SHANK2: variants seen among roughly 807,000 people sequenced by gnomAD.
The protein encoded by SHANK2 is SH3 and multiple ankyrin repeat domains 2.
A neutral mutation model predicts 133.7 loss-of-function variants in SHANK2; 43 were observed. The observed-to-expected ratio is 0.32, with a 90% CI of 0.25 to 0.41. SHANK2 has a LOEUF of 0.41. SHANK2 is among the 10% of genes least tolerant of loss of function. The pLI, the probability that SHANK2 is intolerant of heterozygous loss-of-function variation, is 1.00. For synonymous variants in SHANK2, 1,017 were observed against 952.8 expected (o/e 1.07, Z -1.24); for missense variants, 1,994 against 2,235.8 (o/e 0.89, Z 2.18).
rs138716089 is a variant in SHANK2, at chr11:70,713,083, A to G, written c.1778-14320T>C. ...ATCACGTGCTTTGAATTCCCTTAAC[A>G]TTGGCATGGGTTTGTGTGTGGGCAG... On this transcript the variant is annotated intron_variant, in intron 14 of 25. Transcript: ENST00000601538. Among the ~76,000 whole-genome samples, 23 of 152,308 alleles carry G rather than the reference A, an allele frequency of 1.5e-4. 1 individual carries two copies. In the East Asian group the frequency reaches 4.3e-3, roughly 28 times the overall value.
chr11:71,225,451 G>A (rs367985394), intron 1 of SHANK2, among the ~76,000 whole-genome samples: 23 of 152,278 alleles, frequency 1.5e-4, no homozygotes, highest in African/African-American at 5.3e-4. Context: ...GGGGAGCCTG[G>A]ATTTCTATGG....
chr11:70,497,008 C>CCAAAA lies in SHANK2; in HGVS notation c.2308+3557_2308+3561dup, dbSNP rs1390030553. 6.6e-6 allele frequency: 3 copies of CCAAAA among 456,698 alleles called. No homozygotes were observed. In the Admixed American group the frequency reaches 7.0e-5, roughly 11 times the overall value. 28.3% of individuals were successfully genotyped at this position (456,698 alleles called of 1,614,324 possible). A position where few individuals can be genotyped will look rare whatever the true frequency, so the allele number is the denominator to read the frequency against. ...TTAAACCTTTCCCTTCCTAATAACC[C>CCAAAA]CAAAACAAATGTTCTTTTGAACTAG... is the stretch of plus-strand genomic sequence containing the variant. On this transcript the variant is annotated intron_variant, in intron 21 of 25. Transcript: ENST00000601538.
At chr11:70,826,133 G>A (rs1240224783) in intron 11 of SHANK2, among the ~76,000 whole-genome samples, 2 of 152,174 alleles carry the variant, frequency 1.3e-5, no homozygotes, top group African/African-American at 4.8e-5. Flanking sequence ...TGGTCACTGA[G>A]GACTATAGTC....
chr11:70,550,075 C>A (rs552359783), intron 17 of SHANK2, among the ~76,000 whole-genome samples: 1 of 152,242 alleles, frequency 6.6e-6, no homozygotes, highest in Admixed American at 6.5e-5. Context: ...AAGCCAAGAG[C>A]AGCTCAGGCC....
chr11:70,492,580 T>A (rs1028010193), intron 21 of SHANK2, 115 bp from the exon 22 acceptor site: 4 of 1,372,134 alleles, frequency 2.9e-6, no homozygotes, highest in Non-Finnish European at 4.1e-6. Context: ...GCAGGGGGCA[T>A]TTGTTGCTGC....
intron 2 of SHANK2, among the ~76,000 whole-genome samples, chr11:71,208,407 GA>G (rs1315630427): frequency 2.0e-5 from 3 of 152,258 alleles, no homozygotes; most frequent in African/African-American, 7.2e-5. Context: ...AACAAGGGGA[GA>G]AAGAATCTCA....
chr11:71,229,070 A>T (rs1349449498), intron 1 of SHANK2, among the ~76,000 whole-genome samples: 1 of 152,224 alleles, frequency 6.6e-6, no homozygotes, highest in Non-Finnish European at 1.5e-5. Context: ...CCCCAAAACA[A>T]GATGGGAATT....
intron 11 of SHANK2, among the ~76,000 whole-genome samples, chr11:70,844,670 A>G (rs1427983913): frequency 6.6e-6 from 1 of 152,258 alleles, no homozygotes; most frequent in Non-Finnish European, 1.5e-5. Context: ...GACAGGGATT[A>G]TCTCAGTCCA....
chr11:70,758,396 G>A (rs558695859), intron 14 of SHANK2, among the ~76,000 whole-genome samples: 13 of 152,186 alleles, frequency 8.5e-5, no homozygotes, highest in Non-Finnish European at 5.9e-5. Context: ...CCACCCCTCC[G>A]GATCTGGCAG....
intron 10 of SHANK2, among the ~76,000 whole-genome samples, chr11:70,917,996 C>T (rs996304026): frequency 1.3e-4 from 19 of 148,872 alleles, no homozygotes; most frequent in African/African-American, 4.5e-4. Context: ...CCGTTCTGCA[C>T]ATATACCCCT....
At chr11:70,640,293 G>A (rs2061160060) in intron 17 of SHANK2, among the ~76,000 whole-genome samples, 1 of 152,216 alleles carries the variant, frequency 6.6e-6, no homozygotes, top group Admixed American at 6.5e-5. Flanking sequence ...GAGGCAGGGG[G>A]AGATTTGAGA....
At chr11:71,173,139 C>T (rs997825644) in intron 2 of SHANK2, among the ~76,000 whole-genome samples, 4 of 152,210 alleles carry the variant, frequency 2.6e-5, no homozygotes, top group African/African-American at 9.6e-5. Flanking sequence ...AAATCTATTA[C>T]ATTTATTTTT....
intron 15 of SHANK2, among the ~76,000 whole-genome samples, chr11:70,666,606 G>T (rs1315291923): frequency 6.6e-6 from 1 of 152,168 alleles, no homozygotes; most frequent in African/African-American, 2.4e-5. Flanking sequence ...CTGCCAGCCT[G>T]CCCTGCCCCT....
chr11:70,565,691 T>G (rs2059959890), intron 17 of SHANK2, among the ~76,000 whole-genome samples: 1 of 152,242 alleles, frequency 6.6e-6, no homozygotes, highest in Admixed American at 6.5e-5. Flanking sequence ...TCACTATCAT[T>G]TATTACCTGG....
At chr11:70,517,208 C>T (rs1554970297) in intron 17 of SHANK2, among the ~76,000 whole-genome samples, 6 of 152,164 alleles carry the variant, frequency 3.9e-5, no homozygotes, top group South Asian at 2.1e-4. Flanking sequence ...TCTCAAACAC[C>T]GACAACAGCA....
chr11:70,793,822 T>C (rs1947849028), intron 14 of SHANK2, among the ~76,000 whole-genome samples: 1 of 152,320 alleles, frequency 6.6e-6, no homozygotes, highest in South Asian at 2.1e-4. Context: ...GTTTTCTACC[T>C]AGAGAAATAA....
chr11:70,955,422 G>GTGTGTGT, intron 10 of SHANK2, among the ~76,000 whole-genome samples: 1 of 146,564 alleles, frequency 6.8e-6, no homozygotes, highest in South Asian at 2.2e-4. Flanking sequence ...AGACCCACGG[G>GTGTGTGT]GTGTGTGTGT....
chr11:71,096,945 G>A (rs1009815452), intron 6 of SHANK2, among the ~76,000 whole-genome samples: 36 of 152,194 alleles, frequency 2.4e-4, no homozygotes, highest in Non-Finnish European at 8.8e-5. Context: ...ACAGATGCCT[G>A]CAGCCAAACC....
intron 2 of SHANK2, among the ~76,000 whole-genome samples, chr11:71,217,376 G>A (rs1027099913): frequency 1.5e-4 from 22 of 151,146 alleles, no homozygotes; most frequent in East Asian, 3.9e-4. Flanking sequence ...GCACGGTGGC[G>A]CGCCTGTAAT....
Sources: gnomAD v4.1 joint callset for allele counts (sites outside exome capture counted in the v4.1 genomes callset) on GRCh38, gnomAD v4.1.1 for gene constraint, MANE v1.5 for transcripts, NCBI Gene and HGNC (gene_info 2026-07-23, HGNC 2026-07-21) for gene names.